Variants in SPDYA observed in about 807,000 individuals in gnomAD.
SPDYA encodes the protein speedy/RINGO cell cycle regulator family member A, also known as speedy protein A.
A neutral mutation model predicts 36.7 loss-of-function variants in SPDYA; 11 were observed. That is an observed-to-expected ratio of 0.30 (90% CI 0.19 to 0.50). The LOEUF is 0.50. Ranked by LOEUF, SPDYA falls within the 20% of genes least tolerant of loss-of-function variation. The pLI is 0.98. For synonymous variants in SPDYA, 115 were observed against 118.7 expected (o/e 0.97, Z 0.20); for missense variants, 287 against 370.9 (o/e 0.77, Z 1.86).
At chr2:28,821,597 C>G (rs917104102) in intron 4 of SPDYA, among the ~76,000 whole-genome samples, 5 of 152,142 alleles carry the variant, frequency 3.3e-5, no homozygotes, top group African/African-American at 1.2e-4. Context: ...TGTCTTAACA[C>G]GATCTCAAGA....
chr2:28,840,720 T>G, intron 7 of SPDYA: 1 of 1,186,914 alleles, frequency 8.4e-7, no homozygotes, highest in Non-Finnish European at 1.0e-6. Context: ...CCTCAGTATT[T>G]TAAGAGCCTG....
At chr2:28,815,916 C>A in intron 2 of SPDYA, 81 bp from the exon 3 acceptor site, 2 of 844,204 alleles carry the variant, frequency 2.4e-6, no homozygotes, top group Non-Finnish European at 3.7e-6. Flanking sequence ...TATATGACTG[C>A]ATATGGTAGT....
intron 6 of SPDYA, among the ~76,000 whole-genome samples, chr2:28,835,519 G>A (rs1383639948): frequency 6.6e-6 from 1 of 152,200 alleles, no homozygotes; most frequent in African/African-American, 2.4e-5. Flanking sequence ...TTACAGGCAT[G>A]AGCGCCCAGC....
chr2:28,824,410 C>G (rs2148084962), intron 5 of SPDYA, among the ~76,000 whole-genome samples: 1 of 136,968 alleles, frequency 7.3e-6, no homozygotes, highest in East Asian at 2.2e-4. Context: ...CCCAGGAGTT[C>G]AAGGCTGCAG....
At chr2:28,826,400 G>C (rs1668320793) in intron 5 of SPDYA, among the ~76,000 whole-genome samples, 1 of 152,086 alleles carries the variant, frequency 6.6e-6, no homozygotes, top group Admixed American at 6.6e-5. Flanking sequence ...GCCTCCCAAA[G>C]TACTGGGATT....
intron 5 of SPDYA, among the ~76,000 whole-genome samples, chr2:28,825,024 A>G (rs1558324697): frequency 6.6e-6 from 1 of 152,196 alleles, no homozygotes; most frequent in Non-Finnish European, 1.5e-5. Context: ...TTTCCCTATG[A>G]AATAAATTTT....
chr2:28,815,909 A>G lies in SPDYA; in HGVS notation c.-18-88A>G, dbSNP rs1013755349. The G allele has an allele frequency of 3.8e-6, 3 of 786,692 alleles. No homozygotes were observed. In the African/African-American group the frequency reaches 5.3e-5, roughly 14 times the overall value. 48.7% of individuals were successfully genotyped at this position (786,692 alleles called of 1,614,324 possible). On this transcript the variant is annotated intron_variant, in intron 2 of 7. Coordinates refer to ENST00000334056, the MANE Select transcript of SPDYA (RefSeq NM_182756.4). Reference sequence around the variant, plus strand: ...AATGGCAAGTTTAGTAACATTTTATATGACTGCATATGGTAGTATCATCCA... The same window carrying G: ...AATGGCAAGTTTAGTAACATTTTATGTGACTGCATATGGTAGTATCATCCA...
chr2:28,832,987 G>A (rs1668513098), intron 6 of SPDYA, among the ~76,000 whole-genome samples: 1 of 151,948 alleles, frequency 6.6e-6, no homozygotes, highest in South Asian at 2.1e-4. Flanking sequence ...CTACAGGCAT[G>A]TGCCACCATG....
intron 7 of SPDYA, among the ~76,000 whole-genome samples, chr2:28,849,440 C>T (rs1486928434): frequency 2.0e-5 from 3 of 152,122 alleles, no homozygotes; most frequent in Admixed American, 6.5e-5. Context: ...TACAGGTGCC[C>T]GCCACCACAA....
chr2:28,819,649 A>G (rs1487760912), intron 4 of SPDYA, among the ~76,000 whole-genome samples: 1 of 151,362 alleles, frequency 6.6e-6, no homozygotes, highest in Non-Finnish European at 1.5e-5. Flanking sequence ...GTAGAATATT[A>G]TTGATTACAT....
chr2:28,845,544 G>C (rs1266346654), intron 7 of SPDYA, among the ~76,000 whole-genome samples: 1 of 151,982 alleles, frequency 6.6e-6, no homozygotes, highest in Non-Finnish European at 1.5e-5. Flanking sequence ...ATAATATTTT[G>C]TTTCTTTCTT....
At chr2:28,829,943 C>CAAAAA (rs1295866091) in intron 6 of SPDYA, among the ~76,000 whole-genome samples, 1 of 20,088 alleles carries the variant, frequency 5.0e-5, no homozygotes, top group African/African-American at 1.1e-4. Flanking sequence ...GACTCCATCT[C>CAAAAA]AAAAAAAAAA....
At chr2:28,815,946 A>G in intron 2 of SPDYA, 51 bp from the exon 3 acceptor site, 2 of 1,203,104 alleles carry the variant, frequency 1.7e-6, no homozygotes, top group Non-Finnish European at 2.4e-6. Context: ...TTAGTTGTTT[A>G]TATATGAAAT....
intron 6 of SPDYA, among the ~76,000 whole-genome samples, chr2:28,835,534 T>G (rs1668574706): frequency 6.6e-6 from 1 of 152,212 alleles, no homozygotes; most frequent in African/African-American, 2.4e-5. Context: ...CCCAGCCTTA[T>G]TTTGTTCTTA....
At chr2:28,818,327 C>T (rs909800880) in intron 3 of SPDYA, among the ~76,000 whole-genome samples, 2 of 151,158 alleles carry the variant, frequency 1.3e-5, no homozygotes, top group Non-Finnish European at 2.9e-5. Context: ...AGGAGCCTGG[C>T]GTGGTGGCAT....
chr2:28,813,586 C>G (rs1667906348), intron 1 of SPDYA, among the ~76,000 whole-genome samples: 1 of 149,020 alleles, frequency 6.7e-6, no homozygotes, highest in South Asian at 2.1e-4. Flanking sequence ...GAGTCTTGCT[C>G]TGTTGCCCAG....
chr2:28,830,079 C>T (rs551454884), intron 6 of SPDYA, among the ~76,000 whole-genome samples: 2 of 151,760 alleles, frequency 1.3e-5, no homozygotes, highest in Admixed American at 1.3e-4. Flanking sequence ...GCAGAGGTTG[C>T]GGTGAGCTGA....
chr2:28,820,456 C>T (rs1050307621), intron 4 of SPDYA, among the ~76,000 whole-genome samples: 5 of 151,792 alleles, frequency 3.3e-5, no homozygotes, highest in East Asian at 1.9e-4. Flanking sequence ...TGTGGTGGTG[C>T]GCACCCATAG....
chr2:28,833,456 C>T (rs1668522567), intron 6 of SPDYA, among the ~76,000 whole-genome samples: 4 of 152,186 alleles, frequency 2.6e-5, no homozygotes, highest in African/African-American at 9.6e-5. Flanking sequence ...CACTTCCTAA[C>T]TACGTTCAGG....
Sources: allele counts gnomAD v4.1 joint callset (sites outside exome capture counted in the v4.1 genomes callset), GRCh38; gene constraint gnomAD v4.1.1; transcripts MANE v1.5; gene names NCBI Gene and HGNC (gene_info 2026-07-23, HGNC 2026-07-21).